PDPN: variants seen among roughly 807,000 people sequenced by gnomAD.
The protein encoded by PDPN is PA2.26 antigen.
A neutral mutation model predicts 23.2 loss-of-function variants in PDPN; 12 were observed. That is an observed-to-expected ratio of 0.52 (90% confidence interval 0.33 to 0.84). The LOEUF is 0.84. Among genes scored for constraint, PDPN ranks in the 40% least tolerant of loss-of-function variants. The pLI, the probability that PDPN is intolerant of heterozygous loss-of-function variation, is 0.02. For missense variants in PDPN, 199 were observed against 212.2 expected, an observed-to-expected ratio of 0.94 and a Z score of 0.39; for synonymous variants, 77 against 76.7, an observed-to-expected ratio of 1.00 and a Z score of -0.02.
At chr1:13,586,082 G>A (rs1331378622) in intron 1 of PDPN, among the ~76,000 whole-genome samples, 1 of 152,136 alleles carries the variant, frequency 6.6e-6, no homozygotes, top group Non-Finnish European at 1.5e-5. Flanking sequence ...CCACCCTCAT[G>A]CTGAACTTTC....
intron 1 of PDPN, among the ~76,000 whole-genome samples, chr1:13,604,719 C>T (rs1437201128): frequency 6.6e-6 from 1 of 152,004 alleles, no homozygotes; most frequent in African/African-American, 2.4e-5. Flanking sequence ...TAACTAAGTT[C>T]AAACCAGGTG....
chr1:13,610,988 G>A (rs1431214599), intron 3 of PDPN, among the ~76,000 whole-genome samples: 2 of 152,344 alleles, frequency 1.3e-5, no homozygotes, highest in African/African-American at 4.8e-5. Flanking sequence ...TTGGGAGGCT[G>A]AGGCGGGCGG....
chr1:13,604,372 T>G (rs1640727498), intron 1 of PDPN, among the ~76,000 whole-genome samples: 1 of 152,182 alleles, frequency 6.6e-6, no homozygotes, highest in Non-Finnish European at 1.5e-5. Flanking sequence ...GATCTCTTGT[T>G]AAAGTTCAGC....
intron 1 of PDPN, among the ~76,000 whole-genome samples, chr1:13,601,666 T>G (rs1298472193): frequency 2.0e-5 from 3 of 152,082 alleles, no homozygotes; most frequent in Non-Finnish European, 4.4e-5. Context: ...CATGACATAG[T>G]ATTGGAAAGA....
rs1641063222 is a variant in PDPN, at chr1:13,615,992, G to C, written c.*81G>C. On this transcript the variant is annotated 3_prime_UTR_variant, in exon 6 of 6. Transcript: ENST00000621990. ...CTCTGTGCCCTGTCCCTGAGCTCGT[G>C]GGAGAAGATGACCCGTGGAACACTT... is the stretch of plus-strand genomic sequence containing the variant. 7.5e-7 allele frequency: 1 copy of C among 1,331,874 alleles called. No homozygotes were observed. The highest frequency in any genetic ancestry group is 1.1e-6 in the Non-Finnish European group (1 of 923,376). The allele number at this position is 1,331,874 out of a possible 1,614,324, so 82.5% of individuals were successfully genotyped here. A position where few individuals can be genotyped will look rare whatever the true frequency, so the allele number is the denominator to read the frequency against.
intron 4 of PDPN, among the ~76,000 whole-genome samples, 160 bp downstream of exon 4, chr1:13,613,885 T>A (rs955044187): frequency 7.6e-4 from 115 of 151,726 alleles, no homozygotes; most frequent in African/African-American, 2.8e-3. Flanking sequence ...TTTTTTTTTT[T>A]TTTTTTAAAG....
At chr1:13,586,819 C>T (rs922700841) in intron 1 of PDPN, among the ~76,000 whole-genome samples, 9 of 148,102 alleles carry the variant, frequency 6.1e-5, no homozygotes, top group Middle Eastern at 3.7e-3. Context: ...TGTGAGGGGC[C>T]GAGGCGGGCG....
intron 3 of PDPN, among the ~76,000 whole-genome samples, chr1:13,610,741 C>T (rs181049056): frequency 2.6e-3 from 400 of 152,314 alleles, no homozygotes; most frequent in African/African-American, 9.1e-3. Flanking sequence ...AGTGATAACA[C>T]CTGCACAGGG....
At chr1:13,599,134 C>A (rs1343211734) in intron 1 of PDPN, among the ~76,000 whole-genome samples, 1 of 151,582 alleles carries the variant, frequency 6.6e-6, no homozygotes, top group Non-Finnish European at 1.5e-5. Flanking sequence ...CCTCTGCCTC[C>A]TGAGTAGCTG....
chr1:13,584,770 G>T (rs1230785647), intron 1 of PDPN, among the ~76,000 whole-genome samples: 1 of 152,202 alleles, frequency 6.6e-6, no homozygotes, highest in African/African-American at 2.4e-5. Context: ...GTGGGTTTGA[G>T]CCACGTGTTC....
intron 1 of PDPN, among the ~76,000 whole-genome samples, chr1:13,598,812 T>A (rs748730317): frequency 3.2e-4 from 48 of 152,096 alleles, no homozygotes; most frequent in Non-Finnish European, 1.3e-4. Flanking sequence ...AACAGCTACT[T>A]ACCGAGTGCC....
intron 4 of PDPN, 35 bp downstream of exon 4, chr1:13,613,760 G>A (rs1392890760): frequency 2.4e-6 from 3 of 1,270,892 alleles, no homozygotes; most frequent in Non-Finnish European, 3.4e-6. Context: ...TACTCTTACT[G>A]GGGTTTTTTA....
At chr1:13,592,327 A>G (rs1640368286) in intron 1 of PDPN, among the ~76,000 whole-genome samples, 1 of 152,146 alleles carries the variant, frequency 6.6e-6, no homozygotes. Context: ...GTAAAGTTAA[A>G]TGTATCTGTG....
chr1:13,607,975 T>A (rs1200610012), intron 2 of PDPN, among the ~76,000 whole-genome samples: 1 of 152,008 alleles, frequency 6.6e-6, no homozygotes, highest in Non-Finnish European at 1.5e-5. Flanking sequence ...CGTGGCTGTG[T>A]GCACCTGTGA....
chr1:13,586,032 T>G (rs1640169670), intron 1 of PDPN, among the ~76,000 whole-genome samples: 1 of 152,214 alleles, frequency 6.6e-6, no homozygotes, highest in South Asian at 2.1e-4. Context: ...AAAGGAGGTC[T>G]GTTGTCCACA....
At position 13,613,724 on chromosome 1, in the gene PDPN, A is replaced by G; in HGVS notation, c.369A>G (p.Lys123=). ...VDGDTQTTVE[K]DGLSTVTLVG... The stretch of plus-strand genomic sequence containing the variant: ...GAGACACACAGACAACAGTTGAGAA[A>G]GGTAGGCTAGATTTTGGCATCAAAA... The change falls in exon 4 of 6, where the codon AAA becomes AAG. Residue 123 remains lysine (K), a splice_region_variant and synonymous_variant. Coordinates refer to ENST00000621990, the MANE Select transcript of PDPN (RefSeq NM_006474.5). 6.7e-7 allele frequency: 1 copy of G among 1,501,170 alleles called. No individual in the cohort carries two copies. Among genetic ancestry groups the G allele is most frequent in the Non-Finnish European group, 9.3e-7 (1 of 1,077,916 alleles). The allele number at this position is 1,501,170 out of a possible 1,614,324, so 93.0% of individuals were successfully genotyped here.
At chr1:13,592,042 A>G (rs959822362) in intron 1 of PDPN, among the ~76,000 whole-genome samples, 4 of 152,190 alleles carry the variant, frequency 2.6e-5, no homozygotes, top group Non-Finnish European at 5.9e-5. Flanking sequence ...GGTAGTTTCA[A>G]TTTGCATTTT....
chr1:13,608,417 A>G (rs1570051177), intron 2 of PDPN, among the ~76,000 whole-genome samples: 1 of 152,282 alleles, frequency 6.6e-6, no homozygotes, highest in South Asian at 2.1e-4. Flanking sequence ...TGACCTGTAC[A>G]CCAGCATCTC....
chr1:13,593,285 G>A (rs16851999), intron 1 of PDPN, among the ~76,000 whole-genome samples: 19,502 of 152,064 alleles, frequency 0.13, 1,323 homozygotes, highest in Middle Eastern at 0.22. Flanking sequence ...TTATACGCCC[G>A]GCTTTAGATA....
Sources: allele counts gnomAD v4.1 joint callset (sites outside exome capture counted in the v4.1 genomes callset), GRCh38; gene constraint gnomAD v4.1.1; transcripts MANE v1.5; gene names NCBI Gene and HGNC (gene_info 2026-07-23, HGNC 2026-07-21).